Variants in PCDHA11 observed in about 807,000 individuals in gnomAD.
PCDHA11 encodes protocadherin alpha-11.
PCDHA11 carries 61 observed loss-of-function variants against 70.3 expected under a neutral mutation model. That is an observed-to-expected ratio of 0.87 (90% CI 0.71 to 1.07). The LOEUF (loss-of-function observed/expected upper bound fraction) is 1.07. Among genes scored for constraint, PCDHA11 ranks in the 50% least tolerant of loss-of-function variants. The pLI is 0.00. For missense variants in PCDHA11, 1,324 were observed against 1,237.5 expected (o/e 1.07, Z -1.05); for synonymous variants, 633 against 555.1 (o/e 1.14, Z -1.97).
intron 1 of PCDHA11, among the ~76,000 whole-genome samples, chr5:140,950,799 G>C (rs1218789077): frequency 5.3e-5 from 8 of 151,796 alleles, no homozygotes; most frequent in African/African-American, 1.7e-4. Flanking sequence ...ATATTGTCTG[G>C]TTTTACCATA....
chr5:141,004,627 T>C lies in PCDHA11; in HGVS notation c.2540-5000T>C, dbSNP rs538896289. On this transcript the variant is annotated intron_variant, in intron 3 of 3. Transcript: ENST00000398640. ...GCCTCATGCAGAGTCCTGGTTATGG[T>C]TGAAGAAAAATTTCCATTTTGGGCT... 3.9e-5 allele frequency among the ~76,000 whole-genome samples: 6 copies of C among 152,330 alleles called. No individual in the cohort carries two copies. The East Asian group carries it at 1.2e-3, about 29-fold the overall frequency.
chr5:140,878,727 C>A (rs1329578817), intron 1 of PCDHA11, among the ~76,000 whole-genome samples: 2 of 152,186 alleles, frequency 1.3e-5, no homozygotes, highest in Non-Finnish European at 2.9e-5. Context: ...AAATTTCCAG[C>A]CTTATATCTA....
Position 141,010,405 on chromosome 5 carries a change from C to G in PCDHA11, c.*468C>G. On this transcript the variant is annotated 3_prime_UTR_variant, in exon 4 of 4. Transcript: ENST00000398640. ...ATTGGCTGAGACGAGCCAGCTTAGA[C>G]TAATTGGTACAAGGAAGGCAAGAAA... 1 of 1,260,098 alleles carries G rather than the reference C, an allele frequency of 7.9e-7. No homozygotes were observed. Among genetic ancestry groups the G allele is most frequent in the South Asian group, 1.6e-5 (1 of 64,208 alleles). 78.1% of individuals were successfully genotyped at this position (1,260,098 alleles called of 1,614,324 possible). A position where few individuals can be genotyped will look rare whatever the true frequency, so the allele number is the denominator to read the frequency against.
At chr5:140,959,331 T>C (rs1170663171) in intron 1 of PCDHA11, among the ~76,000 whole-genome samples, 1 of 152,072 alleles carries the variant, frequency 6.6e-6, no homozygotes. Flanking sequence ...GTTTTGATTA[T>C]GCTACTGCAC....
At chr5:140,916,592 G>A (rs1554197534) in intron 1 of PCDHA11, among the ~76,000 whole-genome samples, 2 of 152,164 alleles carry the variant, frequency 1.3e-5, no homozygotes, top group Non-Finnish European at 2.9e-5. Flanking sequence ...ATGAGCTAGG[G>A]CCTGGAATGC....
chr5:140,967,928 A>G, intron 1 of PCDHA11: 1 of 1,614,200 alleles, frequency 6.2e-7, no homozygotes, highest in South Asian at 1.1e-5. Context: ...GGCCGTTCTC[A>G]GTGTCAATGA....
intron 1 of PCDHA11, among the ~76,000 whole-genome samples, chr5:140,937,132 GGTT>G (rs2091356684): frequency 6.6e-6 from 1 of 151,434 alleles, no homozygotes. Context: ...CCGCCTCCCG[GGTT>G]CATGCCATTC....
chr5:140,900,257 T>G (rs1184928608), intron 1 of PCDHA11, among the ~76,000 whole-genome samples: 3 of 152,108 alleles, frequency 2.0e-5, no homozygotes, highest in Admixed American at 6.6e-5. Context: ...TGAATAGTAC[T>G]CCATTGTGTA....
chr5:140,966,258 A>G, intron 1 of PCDHA11: 1 of 337,520 alleles, frequency 3.0e-6, no homozygotes, highest in Non-Finnish European at 5.3e-6. Context: ...GAGACGGTGG[A>G]GACTGGATGA....
chr5:140,926,981 C>T (rs1420415867), intron 1 of PCDHA11: 3 of 1,610,216 alleles, frequency 1.9e-6, no homozygotes, highest in Admixed American at 1.7e-5. Context: ...CCGGAGGAGA[C>T]GGAGCGGGGC....
Position 141,000,369 on chromosome 5 carries a change from C to CTG in PCDHA11, c.2540-9257_2540-9256insGT, listed in dbSNP as rs1469177188. On this transcript the variant is annotated intron_variant, in intron 3 of 3. Coordinates refer to ENST00000398640, the MANE Select transcript of PCDHA11 (RefSeq NM_018902.5). ...TCTCTCTGTCTCTCTCTGTCTCTCT[C>CTG]TCTCTCTCTCTCTCTCTCTCTCTCT... Among the ~76,000 whole-genome samples, 12 of 35,276 alleles carry CTG rather than the reference C, an allele frequency of 3.4e-4. No individual in the cohort carries two copies. In the East Asian group the frequency reaches 5.7e-3, roughly 17 times the overall value. The allele number at this position is 35,276 out of a possible 152,430, so 23.1% of individuals were successfully genotyped here.
chr5:140,883,726 G>A, intron 1 of PCDHA11: 2 of 1,613,590 alleles, frequency 1.2e-6, no homozygotes, highest in Non-Finnish European at 1.7e-6. Context: ...ACGCACAGGA[G>A]AACGCGCTGG....
At chr5:140,989,656 A>T (rs2153884121) in intron 3 of PCDHA11, among the ~76,000 whole-genome samples, 1 of 152,326 alleles carries the variant, frequency 6.6e-6, no homozygotes, top group Non-Finnish European at 1.5e-5. Context: ...GCAATATTTT[A>T]AAAGAAACTC....
chr5:141,002,598 C>T (rs2098087385), intron 3 of PCDHA11, among the ~76,000 whole-genome samples: 1 of 152,212 alleles, frequency 6.6e-6, no homozygotes, highest in Admixed American at 6.5e-5. Flanking sequence ...GTCCCCTCAT[C>T]TATAAAACAG....
chr5:140,983,483 C>T (rs2097053951), intron 3 of PCDHA11, among the ~76,000 whole-genome samples: 1 of 152,220 alleles, frequency 6.6e-6, no homozygotes, highest in African/African-American at 2.4e-5. Flanking sequence ...ATAGTAGTTA[C>T]TAATTATTAA....
intron 1 of PCDHA11, chr5:140,968,895 T>G: frequency 6.2e-7 from 1 of 1,614,218 alleles, no homozygotes; most frequent in Non-Finnish European, 8.5e-7. Context: ...TATCTAATAA[T>G]AGCATTAAGC....
At chr5:140,881,388 G>A (rs2058697659) in intron 1 of PCDHA11, 1 of 983,292 alleles carries the variant, frequency 1.0e-6, no homozygotes, top group Non-Finnish European at 1.2e-6. Context: ...GCGGCGGTAA[G>A]TTAAATTCTA....
chr5:141,007,395 CAAAAAAAAAAAAAAAA>C (rs35800918), intron 3 of PCDHA11, among the ~76,000 whole-genome samples: 1 of 94,866 alleles, frequency 1.1e-5, no homozygotes. Context: ...TACTAAAATA[CAAAAAAAAAAAAAAAA>C]AAAAAAATTA....
At chr5:141,007,777 T>G (rs1467527710) in intron 3 of PCDHA11, among the ~76,000 whole-genome samples, 2 of 152,226 alleles carry the variant, frequency 1.3e-5, no homozygotes, top group Non-Finnish European at 2.9e-5. Flanking sequence ...GAAATGGTAC[T>G]GCTTTACAAA....
Sources: gnomAD v4.1 joint callset for allele counts (sites outside exome capture counted in the v4.1 genomes callset) on GRCh38, gnomAD v4.1.1 for gene constraint, MANE v1.5 for transcripts, NCBI Gene and HGNC (gene_info 2026-07-23, HGNC 2026-07-21) for gene names.